The following NFAM1 variants were observed in gnomAD, a reference collection of about 807,000 sequenced individuals.
NFAM1 encodes NFAT activating protein with ITAM motif 1, also known as NFAT activation molecule 1.
In NFAM1, 17 loss-of-function variants were observed where a neutral mutation model predicts 29.0. The ratio of observed to expected loss-of-function variants is 0.59; its 90% CI spans 0.40 to 0.88. The LOEUF is 0.88. Among genes scored for constraint, NFAM1 ranks in the 40% least tolerant of loss-of-function variants. The pLI, the probability that NFAM1 is intolerant of heterozygous loss-of-function variation, is 0.00. For synonymous variants in NFAM1, 175 were observed against 147.2 expected, an observed-to-expected ratio of 1.19 and a Z score of -1.36; for missense variants, 324 against 344.6, an observed-to-expected ratio of 0.94 and a Z score of 0.47.
chr22:42,404,852 C>CA (rs397937097), intron 3 of NFAM1, among the ~76,000 whole-genome samples: 21,983 of 88,504 alleles, frequency 0.25, 2,507 homozygotes, highest in Middle Eastern at 0.35. Context: ...AACTCCATCT[C>CA]AAAAAAAAAA....
intron 4 of NFAM1, among the ~76,000 whole-genome samples, chr22:42,387,525 G>A (rs1370538540): frequency 2.4e-5 from 1 of 41,628 alleles, no homozygotes; most frequent in Non-Finnish European, 4.7e-5. Context: ...TCAAAGCCCC[G>A]GCCCCTGTGA....
the NFAM1 span, among the ~76,000 whole-genome samples, chr22:42,437,497 G>A: frequency 3.9e-5 from 6 of 152,072 alleles, no homozygotes; most frequent in Non-Finnish European, 7.4e-5. Context: ...TGGGAGGCTC[G>A]GGCCCTTGAC....
At chr22:42,429,616 A>AAAAT (rs900833563) in intron 1 of NFAM1, among the ~76,000 whole-genome samples, 1 of 152,050 alleles carries the variant, frequency 6.6e-6, no homozygotes, top group African/African-American at 2.4e-5. Context: ...ACTCCGTCTC[A>AAAAT]AAATAAATAA....
rs1213511649 is a variant in NFAM1 at position 42,382,715 on chromosome 22, G to C, written c.*2446C>G. 2 of 152,554 alleles carry C rather than the reference G, an allele frequency of 1.3e-5. No homozygotes were observed. Among genetic ancestry groups the C allele is most frequent in the Non-Finnish European group, 2.9e-5 (2 of 68,266 alleles). The allele number at this position is 152,554 out of a possible 1,614,324, so 9.5% of individuals were successfully genotyped here. On this transcript the variant is annotated 3_prime_UTR_variant, in exon 6 of 6. Coordinates refer to ENST00000329021, the MANE Select transcript of NFAM1 (RefSeq NM_145912.8). The stretch of plus-strand genomic sequence containing the variant: ...GAACAGGTGCTCAGTCCTCTTTGCT[G>C]CCCACAGAAGTCTCAGAACATTCTT...
In NFAM1 at chr22:42,387,114, G is replaced by A. The variant is rs372767160; in HGVS notation, c.664-36C>T. ...CGGGGTGCCAGGATCAGGGGCAAGT[G>A]TGTAGAGGGGCAGTCCCTGGCCCCA... On this transcript the variant is annotated intron_variant, in intron 4 of 5. Transcript: ENST00000329021. 146 of 1,247,922 alleles carry A rather than the reference G, an allele frequency of 1.2e-4. 2 individuals carry two copies. Among genetic ancestry groups the A allele is most frequent in the Non-Finnish European group, 2.2e-5 (19 of 873,080 alleles). The allele number at this position is 1,247,922 out of a possible 1,614,324, so 77.3% of individuals were successfully genotyped here. A position where few individuals can be genotyped will look rare whatever the true frequency, so the allele number is the denominator to read the frequency against.
intron 3 of NFAM1, among the ~76,000 whole-genome samples, chr22:42,403,896 G>A (rs937293454): frequency 6.6e-6 from 1 of 152,186 alleles, no homozygotes; most frequent in African/African-American, 2.4e-5. Flanking sequence ...GTACATGGGA[G>A]CTGGATCCAG....
In NFAM1 at chr22:42,385,025, A is replaced by T. The variant is rs1294949785; in HGVS notation, c.*136T>A. 1.3e-6 allele frequency: 1 copy of T among 742,320 alleles called. No homozygotes were observed. Among genetic ancestry groups the T allele is most frequent in the African/African-American group, 1.7e-5 (1 of 58,170 alleles). The allele number at this position is 742,320 out of a possible 1,614,324, so 46.0% of individuals were successfully genotyped here. On this transcript the variant is annotated 3_prime_UTR_variant, in exon 6 of 6. Transcript: ENST00000329021. ...GGGCAGTGGGGCCGGCCAAGACAGG[A>T]AGGGCCTTGAATGTGAGGGTGAAAT...
Position 42,419,402 on chromosome 22 carries a change from TA to T in NFAM1, c.122-7667del, listed in dbSNP as rs1338748496. Among the ~76,000 whole-genome samples, 1 of 151,644 alleles carries T rather than the reference TA, an allele frequency of 6.6e-6. No homozygotes were observed. The highest frequency in any genetic ancestry group is 2.4e-5 in the African/African-American group (1 of 41,284). ...AATTTACGGGGTCAAGACAAGCAAT[TA>T]AAAAAAATAGAACATGAAGCATTTC... is the stretch of plus-strand genomic sequence containing the variant. On this transcript the variant is annotated intron_variant, in intron 1 of 5. Transcript: ENST00000329021. This position sits in a 1 kb window ranked among gnomAD's most constrained non-coding sequence, Gnocchi z 4.5.
rs1491236869 is a variant in NFAM1, at chr22:42,419,989, G to GTTTTTTTT, written c.122-8254_122-8253insAAAAAAAA. Among the ~76,000 whole-genome samples, 155 of 56,524 alleles carry GTTTTTTTT rather than the reference G, an allele frequency of 2.7e-3. 54 individuals carry two copies. The highest frequency in any genetic ancestry group is 0.016 in the Middle Eastern group (2 of 126). 37.1% of individuals were successfully genotyped at this position (56,524 alleles called of 152,430 possible). On this transcript the variant is annotated intron_variant, in intron 1 of 5. Transcript: ENST00000329021. This position sits in a 1 kb window ranked among gnomAD's most constrained non-coding sequence, Gnocchi z 4.5. ...CCTTTGAGTCTGTAATCCCACTCTTGGTTTTTTTTTTTTTTTTTTTTTTTT... is the reference window on the plus strand; with the variant it reads ...CCTTTGAGTCTGTAATCCCACTCTTGTTTTTTTTGTTTTTTTTTTTTTTTTTTTTTTTT...
At chr22:42,410,646 G>A (rs775873844) in intron 2 of NFAM1, among the ~76,000 whole-genome samples, 2 of 141,092 alleles carry the variant, frequency 1.4e-5, no homozygotes, top group Non-Finnish European at 3.0e-5. Flanking sequence ...GTGACAGAGC[G>A]AGACTCTGTC....
intron 3 of NFAM1, among the ~76,000 whole-genome samples, chr22:42,401,024 G>A (rs1929708970): frequency 6.6e-6 from 1 of 152,186 alleles, no homozygotes; most frequent in African/African-American, 2.4e-5. Flanking sequence ...GGCCTGGGCT[G>A]GGCATGGAAG....
Position 42,409,414 on chromosome 22 carries a change from C to T in NFAM1, c.564+21G>A. On this transcript the variant is annotated intron_variant, in intron 3 of 5. Coordinates refer to ENST00000329021, the MANE Select transcript of NFAM1 (RefSeq NM_145912.8). This position sits in a 1 kb window ranked among gnomAD's most constrained non-coding sequence, Gnocchi z 4.9. ...CGTGTCGGGTGGAGGGGCTGCATGGCTGTGAGCACTGATCCCGTACCTTGT... is the reference window on the plus strand; with the variant it reads ...CGTGTCGGGTGGAGGGGCTGCATGGTTGTGAGCACTGATCCCGTACCTTGT... 7.7e-7 allele frequency: 1 copy of T among 1,304,010 alleles called. No individual in the cohort carries two copies. The highest frequency in any genetic ancestry group is 1.0e-6 in the Non-Finnish European group (1 of 961,010). The allele number at this position is 1,304,010 out of a possible 1,614,324, so 80.8% of individuals were successfully genotyped here.
At chr22:42,408,139 C>T (rs1416707597) in intron 3 of NFAM1, among the ~76,000 whole-genome samples, 1 of 152,104 alleles carries the variant, frequency 6.6e-6, no homozygotes, top group Non-Finnish European at 1.5e-5. Flanking sequence ...AGTGATCCAC[C>T]CACCTCGGCC....
At chr22:42,402,349 C>T (rs1255842303) in intron 3 of NFAM1, among the ~76,000 whole-genome samples, 3 of 152,186 alleles carry the variant, frequency 2.0e-5, no homozygotes, top group African/African-American at 7.2e-5. Context: ...CAGGCCCCCA[C>T]GTGGGGCTGT....
intron 1 of NFAM1, among the ~76,000 whole-genome samples, chr22:42,430,381 A>G (rs939486407): frequency 1.3e-5 from 2 of 152,106 alleles, no homozygotes; most frequent in African/African-American, 4.8e-5. Flanking sequence ...CCAACATGGC[A>G]AAACTCTGTC....
intron 1 of NFAM1, among the ~76,000 whole-genome samples, chr22:42,430,853 TG>T (rs781381260): frequency 1.6e-4 from 24 of 151,660 alleles, no homozygotes; most frequent in Non-Finnish European, 3.4e-4. Context: ...GGATGGGAAT[TG>T]GGGGGAAATT....
At chr22:42,408,957 C>CTGGAGGGTGTTT (rs1361393314) in intron 3 of NFAM1, among the ~76,000 whole-genome samples, 10 of 152,200 alleles carry the variant, frequency 6.6e-5, no homozygotes, top group African/African-American at 2.2e-4. Flanking sequence ...TGGAGCTATG[C>CTGGAGGGTGTTT]TGGAGGGTGT....
chr22:42,403,026 G>A (rs1929778957), intron 3 of NFAM1, among the ~76,000 whole-genome samples: 2 of 151,514 alleles, frequency 1.3e-5, no homozygotes, highest in South Asian at 4.2e-4. Flanking sequence ...TTTTAGTAGA[G>A]ACAGGGTTTC....
chr22:42,437,579 G>A, the NFAM1 span, among the ~76,000 whole-genome samples: 13 of 152,152 alleles, frequency 8.5e-5, no homozygotes, highest in Admixed American at 5.2e-4. Context: ...GAGCCACCAA[G>A]TCCCCCACTA....
Sources: allele counts gnomAD v4.1 joint callset (sites outside exome capture counted in the v4.1 genomes callset), GRCh38; gene constraint gnomAD v4.1.1; non-coding constraint Gnocchi (gnomAD v3.1); transcripts MANE v1.5; gene names NCBI Gene and HGNC (gene_info 2026-07-23, HGNC 2026-07-21).